ZMYND8: variants seen among roughly 807,000 people sequenced by gnomAD.
ZMYND8 encodes the protein zinc finger MYND-type containing 8.
In ZMYND8, 37 loss-of-function variants were observed where a neutral mutation model predicts 140.8. The observed-to-expected ratio is 0.26, with a 90% CI of 0.20 to 0.35. The LOEUF is 0.35. Among genes scored for constraint, ZMYND8 ranks in the 10% least tolerant of loss-of-function variants. The probability of loss-of-function intolerance (pLI) is 1.00; values close to 1 mark genes in which losing one functional copy is unlikely to be tolerated. For synonymous variants in ZMYND8, 592 were observed against 597.1 expected, an observed-to-expected ratio of 0.99 and a Z score of 0.12; for missense variants, 1,068 against 1,570.0, an observed-to-expected ratio of 0.68 and a Z score of 5.40.
At position 47,293,168 on chromosome 20, in the gene ZMYND8, GAGGGAGGGAGGGAGGGAGGC is replaced by G. The variant is rs1375208815; in HGVS notation, c.568-1300_568-1281del. 7.2e-3 allele frequency among the ~76,000 whole-genome samples: 189 copies of G among 26,360 alleles called. 1 individual carries two copies. Among genetic ancestry groups the G allele is most frequent in the Middle Eastern group, 0.014 (1 of 74 alleles). 17.3% of individuals were successfully genotyped at this position (26,360 alleles called of 152,430 possible). ...GAAGGAAGGGAGGGAGGGAGGGAGG[GAGGGAGGGAGGGAGGGAGGC>G]AGGCAGGCAGGCAGGCAGGCAGGCA... On this transcript the variant is annotated intron_variant, in intron 5 of 22. Transcript: ENST00000471951.
At chr20:47,219,362 A>C (rs569527866) in intron 21 of ZMYND8, among the ~76,000 whole-genome samples, 6 of 151,168 alleles carry the variant, frequency 4.0e-5, no homozygotes, top group Non-Finnish European at 8.8e-5. Flanking sequence ...GGCCTACCAA[A>C]ATTTTTTTAA....
chr20:47,311,696 G>A (rs757438050), intron 2 of ZMYND8, among the ~76,000 whole-genome samples: 6 of 152,094 alleles, frequency 3.9e-5, no homozygotes, highest in Admixed American at 3.9e-4. Context: ...GTAAAACCCC[G>A]TCTCTACTAA....
rs762314721 is a variant in ZMYND8, at chr20:47,290,270, G to A, written c.665C>T (p.Ala222Val). 5.0e-6 allele frequency: 8 copies of A among 1,612,642 alleles called. No homozygotes were observed. The East Asian group carries it at 6.7e-5, about 13-fold the overall frequency. Residue 222 changes from alanine to valine, a missense_variant, in exon 7 of 23, where the codon GCG (alanine) becomes GTG (valine). Transcript: ENST00000471951. ...TGTGCAGCCATACATTTTCTTTTTC[G>A]CATTCTGGGAAGAAAAGCGATGGAG... is the stretch of plus-strand genomic sequence containing the variant. The part of the protein sequence containing the change: ...PMDLCTLEKN[A>V]KKKMYGCTEA...
chr20:47,334,802 G>A (rs937804857), intron 2 of ZMYND8, among the ~76,000 whole-genome samples: 3 of 151,760 alleles, frequency 2.0e-5, no homozygotes, highest in Non-Finnish European at 4.4e-5. Context: ...GTGGAGACAG[G>A]GTTTCACCAT....
At chr20:47,353,460 CTG>C (rs1199164170) in intron 1 of ZMYND8, 1 of 152,202 alleles carries the variant, frequency 6.6e-6, no homozygotes, top group African/African-American at 2.4e-5. Flanking sequence ...TAGAAAAACT[CTG>C]TAGAAAGTTT....
intron 6 of ZMYND8, 87 bp from the exon 7 acceptor site, chr20:47,290,361 GC>G: frequency 8.6e-7 from 1 of 1,162,932 alleles, no homozygotes; most frequent in South Asian, 1.4e-5. Context: ...AATTTTTGTA[GC>G]AGTCATTTGC....
intron 3 of ZMYND8, among the ~76,000 whole-genome samples, chr20:47,303,454 A>G (rs1037161646): frequency 2.0e-5 from 3 of 152,196 alleles, no homozygotes; most frequent in Non-Finnish European, 4.4e-5. Flanking sequence ...ACAGTGGCTC[A>G]CGCCTGTAAT....
chr20:47,346,230 T>C (rs1000549969), intron 2 of ZMYND8, among the ~76,000 whole-genome samples: 3 of 151,960 alleles, frequency 2.0e-5, no homozygotes, highest in Admixed American at 2.0e-4. Flanking sequence ...TGGACCACAT[T>C]TGATTCTGAC....
chr20:47,322,766 T>C (rs539800241), intron 2 of ZMYND8, among the ~76,000 whole-genome samples: 2 of 152,300 alleles, frequency 1.3e-5, no homozygotes, highest in East Asian at 3.9e-4. Flanking sequence ...AAGTCATTTA[T>C]ATGCTTCAAG....
chr20:47,318,929 A>T (rs2079656885), intron 2 of ZMYND8: 1 of 1,348,308 alleles, frequency 7.4e-7, no homozygotes, highest in Non-Finnish European at 9.8e-7. Context: ...AGGGGCAGGG[A>T]ACGCCAAGAG....
chr20:47,273,001 G>A (rs1223039097), intron 11 of ZMYND8, among the ~76,000 whole-genome samples: 4 of 152,198 alleles, frequency 2.6e-5, no homozygotes, highest in African/African-American at 9.7e-5. Context: ...GTAGGGTGCA[G>A]AGAAAGGAAA....
At chr20:47,290,519 A>G (rs1405050812) in intron 6 of ZMYND8, among the ~76,000 whole-genome samples, 1 of 151,414 alleles carries the variant, frequency 6.6e-6, no homozygotes, top group Non-Finnish European at 1.5e-5. Flanking sequence ...GAATTTTCTC[A>G]TCTTATAGTA....
At position 47,219,055 on chromosome 20, in the gene ZMYND8, ATTT is replaced by A. The variant is rs3092175; in HGVS notation, c.3484+1200_3484+1202del. Among the ~76,000 whole-genome samples the A allele has an allele frequency of 4.8e-4, 53 of 110,914 alleles. 1 individual carries two copies. In the South Asian group the frequency reaches 0.011, roughly 23 times the overall value. The allele number at this position is 110,914 out of a possible 152,430, so 72.8% of individuals were successfully genotyped here. On this transcript the variant is annotated intron_variant, in intron 21 of 22. Transcript: ENST00000471951. ...AACATGGCAAAACCCCGTTTCTACA[ATTT>A]TTTTTTTTTTTTTTTTTGAGAGAGA...
At chr20:47,303,976 A>G (rs910982103) in intron 3 of ZMYND8, among the ~76,000 whole-genome samples, 1 of 151,780 alleles carries the variant, frequency 6.6e-6, no homozygotes, top group Admixed American at 6.6e-5. Context: ...TCTCCTTATC[A>G]ATCAGATATT....
intron 5 of ZMYND8, among the ~76,000 whole-genome samples, chr20:47,293,657 T>A (rs190040749): frequency 7.2e-5 from 11 of 152,350 alleles, no homozygotes; most frequent in East Asian, 1.9e-4. Flanking sequence ...CTAACTCCCA[T>A]GGGAAGGAGC....
At chr20:47,224,165 CTGTG>C (rs2037378240) in intron 19 of ZMYND8, 148 bp downstream of exon 19, 11 of 1,307,062 alleles carry the variant, frequency 8.4e-6, no homozygotes, top group Admixed American at 2.4e-5. Context: ...CACTGCTCAC[CTGTG>C]TGTAAGACAC....
At chr20:47,281,157 C>G (rs2076582057) in intron 10 of ZMYND8, among the ~76,000 whole-genome samples, 1 of 152,206 alleles carries the variant, frequency 6.6e-6, no homozygotes, top group Non-Finnish European at 1.5e-5. Flanking sequence ...ATACTTCCTA[C>G]CAAATCCAGC....
intron 2 of ZMYND8, among the ~76,000 whole-genome samples, chr20:47,310,646 T>C (rs558803212): frequency 9.2e-5 from 14 of 151,948 alleles, no homozygotes; most frequent in Admixed American, 2.0e-4. Context: ...ATTAGCCTGG[T>C]GTGGTGGCAC....
At chr20:47,233,376 A>G (rs541319319) in intron 16 of ZMYND8, among the ~76,000 whole-genome samples, 2 of 151,308 alleles carry the variant, frequency 1.3e-5, no homozygotes, top group Admixed American at 6.6e-5. Context: ...GGCCCAGCTA[A>G]TTTTTTTTTA....
Sources: allele counts gnomAD v4.1 joint callset (sites outside exome capture counted in the v4.1 genomes callset), GRCh38; gene constraint gnomAD v4.1.1; transcripts MANE v1.5; gene names NCBI Gene and HGNC (gene_info 2026-07-23, HGNC 2026-07-21).